C2orf76: variants seen among roughly 807,000 people sequenced by gnomAD.
C2orf76 encodes the protein chromosome 2 open reading frame 76.
Under a neutral mutation model 16.9 loss-of-function variants are expected in C2orf76, and 23 were observed. The ratio of observed to expected loss-of-function variants is 1.36; its 90% CI spans 0.98 to 1.93. The LOEUF is 1.93. C2orf76 is among the 30% of genes most tolerant of loss of function. C2orf76 has a pLI of 0.00. For missense variants in C2orf76, 152 were observed against 152.6 expected, an observed-to-expected ratio of 1.00 and a Z score of 0.02; for synonymous variants, 48 against 52.3, an observed-to-expected ratio of 0.92 and a Z score of 0.35.
At chr2:119,319,956 C>CT (rs1399392872) in intron 3 of C2orf76, among the ~76,000 whole-genome samples, 1 of 152,148 alleles carries the variant, frequency 6.6e-6, no homozygotes, top group Non-Finnish European at 1.5e-5. Context: ...CACTTGAAGT[C>CT]TATCAAAACT....
intron 2 of C2orf76, among the ~76,000 whole-genome samples, chr2:119,324,038 T>C (rs1349407598): frequency 1.3e-5 from 2 of 152,234 alleles, no homozygotes; most frequent in Non-Finnish European, 2.9e-5. Context: ...TTGTGAATTA[T>C]GGGCCAAAGC....
chr2:119,297,619 T>C (rs1454604621), downstream of C2orf76, among the ~76,000 whole-genome samples: 1 of 152,030 alleles, frequency 6.6e-6, no homozygotes, highest in Admixed American at 6.6e-5. Flanking sequence ...CCATCCTCCC[T>C]CCTCAGCCTC....
chr2:119,289,060 GA>G, the C2orf76 span, among the ~76,000 whole-genome samples: 1 of 152,076 alleles, frequency 6.6e-6, no homozygotes, highest in African/African-American at 2.4e-5. Context: ...CAACATGTTG[GA>G]AAGAGAGGAA....
chr2:119,312,486 G>C (rs903823193), intron 4 of C2orf76, among the ~76,000 whole-genome samples: 29 of 152,258 alleles, frequency 1.9e-4, no homozygotes, highest in Admixed American at 1.9e-3. Flanking sequence ...CTGAGGTCAA[G>C]TGATCCTCTG....
intron 1 of C2orf76, among the ~76,000 whole-genome samples, chr2:119,352,997 G>A (rs1279699691): frequency 6.6e-6 from 1 of 152,130 alleles, no homozygotes; most frequent in African/African-American, 2.4e-5. Context: ...TCTTTTCTGT[G>A]AGGAAACTAA....
intron 1 of C2orf76, among the ~76,000 whole-genome samples, chr2:119,342,481 G>A (rs942277595): frequency 6.6e-6 from 1 of 151,880 alleles, no homozygotes; most frequent in East Asian, 2.0e-4. Context: ...GCATGGTGGC[G>A]GGTTCCTGAA....
intron 4 of C2orf76, among the ~76,000 whole-genome samples, chr2:119,315,470 G>A (rs761430843): frequency 6.6e-6 from 1 of 152,146 alleles, no homozygotes; most frequent in Non-Finnish European, 1.5e-5. Context: ...CACAGGCCCC[G>A]CAGATGGGGA....
chr2:119,304,042 GA>G lies in C2orf76; in HGVS notation c.305-1495del, dbSNP rs370177661. On this transcript the variant is annotated intron_variant, in intron 5 of 5. Coordinates refer to ENST00000334816, the MANE Select transcript of C2orf76 (RefSeq NM_001322331.2). ...ACTCCTCCACACTTGGAATCAGTGG[GA>G]AAAAGAAAATCAAGAAAGAGAGCTT... Among the ~76,000 whole-genome samples, 190 of 152,286 alleles carry G rather than the reference GA, an allele frequency of 1.2e-3. 5 individuals carry two copies. Among genetic ancestry groups the G allele is most frequent in the African/African-American group, 4.5e-3 (185 of 41,554 alleles).
chr2:119,304,116 A>G (rs1678702914), intron 5 of C2orf76, among the ~76,000 whole-genome samples: 1 of 152,246 alleles, frequency 6.6e-6, no homozygotes, highest in Admixed American at 6.5e-5. Flanking sequence ...CCCTTATAGA[A>G]AAAGCTCCTG....
chr2:119,360,477 CAAAAAAAAA>C (rs770401400), intron 1 of C2orf76, among the ~76,000 whole-genome samples: 5 of 66,898 alleles, frequency 7.5e-5, no homozygotes, highest in Non-Finnish European at 1.4e-4. Context: ...AACTCTGTCT[CAAAAAAAAA>C]AAAAAAAAAA....
intron 2 of C2orf76, among the ~76,000 whole-genome samples, chr2:119,334,582 C>G (rs1260905870): frequency 6.6e-6 from 1 of 151,312 alleles, no homozygotes; most frequent in African/African-American, 2.4e-5. Flanking sequence ...CCCAGCTACT[C>G]AGGAGGCTAT....
chr2:119,315,762 A>G (rs965770570), intron 4 of C2orf76, among the ~76,000 whole-genome samples: 1 of 152,236 alleles, frequency 6.6e-6, no homozygotes, highest in African/African-American at 2.4e-5. Context: ...CCCTTAAACA[A>G]ATACATTGTT....
In C2orf76 at chr2:119,321,180, G is replaced by T; in HGVS notation, c.158C>A (p.Pro53Gln). The change falls in exon 3 of 6, where the codon CCA becomes CAA. Residue 53 changes from proline (P) to glutamine (Q), a missense_variant. Transcript: ENST00000334816. ...ATATTTATAATTTCTGAATGGTGGTGGCAGGTTGGTCCTTAAAGGGATATC... is the reference window on the plus strand; with the variant it reads ...ATATTTATAATTTCTGAATGGTGGTTGCAGGTTGGTCCTTAAAGGGATATC... ...KQDIPLRTNL[P>Q]PPFRNYKYDA... 1 of 1,436,918 alleles carries T rather than the reference G, an allele frequency of 7.0e-7. No individual in the cohort carries two copies. Among genetic ancestry groups the T allele is most frequent in the East Asian group, 2.5e-5 (1 of 40,684 alleles). 89.0% of individuals were successfully genotyped at this position (1,436,918 alleles called of 1,614,324 possible). A position where few individuals can be genotyped will look rare whatever the true frequency, so the allele number is the denominator to read the frequency against.
At chr2:119,323,743 A>C (rs1230889183) in intron 2 of C2orf76, among the ~76,000 whole-genome samples, 3 of 152,244 alleles carry the variant, frequency 2.0e-5, no homozygotes, top group Admixed American at 2.0e-4. Context: ...AAGGAGGGGC[A>C]GTGAGATCTG....
intron 2 of C2orf76, among the ~76,000 whole-genome samples, chr2:119,335,001 G>A (rs1679802183): frequency 6.6e-6 from 1 of 152,180 alleles, no homozygotes; most frequent in South Asian, 2.1e-4. Flanking sequence ...AGCAGATGGT[G>A]GGACCACGTT....
chr2:119,366,751 C>T (rs1681022245), intron 1 of C2orf76, 39 bp downstream of exon 1: 1 of 543,280 alleles, frequency 1.8e-6, no homozygotes, highest in African/African-American at 1.9e-5. Flanking sequence ...GACCAACTCC[C>T]GGCAGCAAAA....
intron 2 of C2orf76, among the ~76,000 whole-genome samples, chr2:119,334,915 AC>A (rs1679799614): frequency 6.6e-6 from 1 of 152,132 alleles, no homozygotes; most frequent in South Asian, 2.1e-4. Context: ...ACTGTATCTA[AC>A]TGATATCAAG....
downstream of C2orf76, among the ~76,000 whole-genome samples, chr2:119,300,063 G>T (rs1340668419): frequency 6.6e-6 from 1 of 152,126 alleles, no homozygotes; most frequent in African/African-American, 2.4e-5. Context: ...GGGAAGTCAG[G>T]ATTTTAAGAC....
the C2orf76 span, among the ~76,000 whole-genome samples, chr2:119,281,794 A>C: frequency 6.6e-6 from 1 of 152,142 alleles, no homozygotes; most frequent in Admixed American, 6.5e-5. Context: ...AAGAACAGAG[A>C]GAGGGAAGCA....
Sources: gnomAD v4.1 joint callset for allele counts (sites outside exome capture counted in the v4.1 genomes callset) on GRCh38, gnomAD v4.1.1 for gene constraint, MANE v1.5 for transcripts, NCBI Gene and HGNC (gene_info 2026-07-23, HGNC 2026-07-21) for gene names.